The following NAV2 variants were observed in gnomAD, a reference collection of about 807,000 sequenced individuals.
NAV2 encodes the protein helicase, APC down-regulated 1.
In NAV2, 54 loss-of-function variants were observed where a neutral mutation model predicts 223.2. The observed-to-expected ratio is 0.24, with a 90% CI of 0.19 to 0.30. NAV2 has a LOEUF of 0.30. Ranked by LOEUF, NAV2 falls within the 10% of genes least tolerant of loss-of-function variation. The pLI, the probability that NAV2 is intolerant of heterozygous loss-of-function variation, is 1.00. For missense variants in NAV2, 2,806 were observed against 3,147.5 expected (o/e 0.89, Z 2.60); for synonymous variants, 1,279 against 1,239.3 (o/e 1.03, Z -0.67).
At chr11:19,825,669 G>A (rs2059612711) in intron 1 of NAV2, among the ~76,000 whole-genome samples, 1 of 152,124 alleles carries the variant, frequency 6.6e-6, no homozygotes, top group African/African-American at 2.4e-5. Flanking sequence ...TTCATTTGAG[G>A]GCTAATTGCA....
chr11:20,038,427 T>C (rs902808253), intron 12 of NAV2, among the ~76,000 whole-genome samples: 33 of 152,208 alleles, frequency 2.2e-4, no homozygotes, highest in African/African-American at 8.0e-4. Context: ...ATTACACCAA[T>C]AGTTACTAAG....
intron 1 of NAV2, among the ~76,000 whole-genome samples, chr11:19,772,380 A>G (rs2055783759): frequency 6.6e-6 from 1 of 152,240 alleles, no homozygotes. Context: ...TCAGATGAAG[A>G]GGATCAATCA....
chr11:20,039,896 A>G (rs2056754611), intron 12 of NAV2, among the ~76,000 whole-genome samples: 1 of 152,204 alleles, frequency 6.6e-6, no homozygotes, highest in African/African-American at 2.4e-5. Context: ...GAGTGACCCT[A>G]GAGCTCTCTA....
At position 19,859,659 on chromosome 11, in the gene NAV2, A is replaced by G. The variant is rs1459707053; in HGVS notation, c.439-9266A>G. Among the ~76,000 whole-genome samples the G allele has an allele frequency of 5.9e-5, 9 of 151,568 alleles. No homozygotes were observed. The East Asian group carries it at 1.8e-3, about 30-fold the overall frequency. On this transcript the variant is annotated intron_variant, in intron 3 of 37. Coordinates refer to ENST00000349880, the MANE Select transcript of NAV2 (RefSeq NM_145117.5). The stretch of plus-strand genomic sequence containing the variant: ...CCGTTCTCAATGAGCTGTTGAGTAC[A>G]CCTCCCAGACGGGGTGGTGGCCGGG...
chr11:19,548,614 A>C (rs2044581418), intron 1 of NAV2, among the ~76,000 whole-genome samples: 1 of 151,948 alleles, frequency 6.6e-6, no homozygotes, highest in Non-Finnish European at 1.5e-5. Flanking sequence ...CACACCTGTA[A>C]TCCCAGCACT....
At chr11:19,797,923 T>C (rs879930265) in intron 1 of NAV2, among the ~76,000 whole-genome samples, 1 of 152,196 alleles carries the variant, frequency 6.6e-6, no homozygotes, top group Non-Finnish European at 1.5e-5. Context: ...TGTTCACCTT[T>C]CCTTTTCAGC....
chr11:19,502,140 C>T (rs2042982081), intron 1 of NAV2, among the ~76,000 whole-genome samples: 2 of 152,094 alleles, frequency 1.3e-5, no homozygotes, highest in East Asian at 1.9e-4. Context: ...ATCTAAGATA[C>T]TCTAGGTTTT....
At chr11:19,975,178 T>C (rs189828284) in intron 10 of NAV2, among the ~76,000 whole-genome samples, 268 of 152,324 alleles carry the variant, frequency 1.8e-3, no homozygotes, top group African/African-American at 6.1e-3. Context: ...ACACTGACAG[T>C]TGAACCACAG....
chr11:19,483,620 A>C (rs1171768895), intron 1 of NAV2, among the ~76,000 whole-genome samples: 2 of 152,254 alleles, frequency 1.3e-5, no homozygotes, highest in East Asian at 1.9e-4. Flanking sequence ...AAAAAAATGC[A>C]TACTAGTTTT....
At chr11:19,679,905 G>A (rs917678076) in intron 1 of NAV2, among the ~76,000 whole-genome samples, 1 of 152,224 alleles carries the variant, frequency 6.6e-6, no homozygotes, top group African/African-American at 2.4e-5. Flanking sequence ...TGAATTTAGT[G>A]CTGAAGGCAA....
chr11:20,038,303 T>A (rs2056591314), intron 12 of NAV2, among the ~76,000 whole-genome samples: 1 of 152,216 alleles, frequency 6.6e-6, no homozygotes, highest in South Asian at 2.1e-4. Context: ...TTTTAAGGGA[T>A]GTAAATGGTT....
intron 3 of NAV2, among the ~76,000 whole-genome samples, chr11:19,858,177 T>C (rs573782729): frequency 6.6e-6 from 1 of 152,348 alleles, no homozygotes; most frequent in Non-Finnish European, 1.5e-5. Flanking sequence ...ATTTTATGAC[T>C]GAAAGTTGAT....
At chr11:19,910,841 G>C (rs57737940) in intron 6 of NAV2, among the ~76,000 whole-genome samples, 3,054 of 152,258 alleles carry the variant, frequency 0.02, 121 homozygotes, top group African/African-American at 0.07. Context: ...CTGGGTGACA[G>C]AGCGAGACTC....
intron 1 of NAV2, among the ~76,000 whole-genome samples, chr11:19,571,916 G>T (rs540757966): frequency 6.6e-6 from 1 of 152,244 alleles, no homozygotes; most frequent in South Asian, 2.1e-4. Flanking sequence ...GAAGTGCAGA[G>T]ATGGGAGGAT....
intron 1 of NAV2, among the ~76,000 whole-genome samples, chr11:19,595,007 G>A (rs2046168123): frequency 2.6e-5 from 4 of 152,152 alleles, no homozygotes; most frequent in South Asian, 2.1e-4. Context: ...AAGGACTTAG[G>A]TGCAAGTTTA....
intron 1 of NAV2, among the ~76,000 whole-genome samples, chr11:19,486,651 C>T (rs1353830006): frequency 6.6e-6 from 1 of 152,128 alleles, no homozygotes; most frequent in Non-Finnish European, 1.5e-5. Flanking sequence ...TGAGGCCTCC[C>T]CAAACATGTG....
intron 1 of NAV2, among the ~76,000 whole-genome samples, chr11:19,467,708 C>A (rs966351909): frequency 6.6e-6 from 1 of 152,170 alleles, no homozygotes; most frequent in South Asian, 2.1e-4. Context: ...CCAGAATCAG[C>A]GTCCTGTCTT....
At chr11:19,621,692 T>G (rs1036773056) in intron 1 of NAV2, among the ~76,000 whole-genome samples, 1 of 152,142 alleles carries the variant, frequency 6.6e-6, no homozygotes, top group Non-Finnish European at 1.5e-5. Context: ...TTTGTTGATC[T>G]TTTCAAAAAA....
At chr11:19,498,662 G>A (rs1046157219) in intron 1 of NAV2, among the ~76,000 whole-genome samples, 6 of 151,808 alleles carry the variant, frequency 4.0e-5, no homozygotes, top group South Asian at 2.1e-4. Flanking sequence ...ACATTCTTTC[G>A]TCTATCCATC....
Sources: gnomAD v4.1 joint callset for allele counts (sites outside exome capture counted in the v4.1 genomes callset) on GRCh38, gnomAD v4.1.1 for gene constraint, MANE v1.5 for transcripts, NCBI Gene and HGNC (gene_info 2026-07-23, HGNC 2026-07-21) for gene names.